The following MN1 variants were observed in gnomAD, a reference collection of about 807,000 sequenced individuals.
MN1 encodes MN1 proto-oncogene, transcriptional regulator.
A neutral mutation model predicts 86.9 loss-of-function variants in MN1; 19 were observed. The observed-to-expected ratio is 0.22, with a 90% CI of 0.15 to 0.32. The LOEUF (loss-of-function observed/expected upper bound fraction) is 0.32. MN1 is among the 10% of genes least tolerant of loss of function. The pLI is 1.00. For missense variants in MN1, 1,841 were observed against 1,862.0 expected (o/e 0.99, Z 0.21); for synonymous variants, 928 against 849.6 (o/e 1.09, Z -1.60).
chr22:27,798,523 AC>A lies in MN1; in HGVS notation c.2020del (p.Val674CysfsTer11), dbSNP rs1231373400. ...APPPPPGGSG[V>X]LFRGPLQEPM... ...CTCCTGCAGAGGGCCCCGGAACAGC[AC>A]CCCCGAGCCACCAGGCGGAGGAGGG... On this transcript the variant is annotated frameshift_variant, in exon 1 of 2. Coordinates refer to ENST00000302326, the MANE Select transcript of MN1 (RefSeq NM_002430.3). LOFTEE classifies it high-confidence loss of function. The A allele has an allele frequency of 1.3e-6, 2 of 1,522,854 alleles. No homozygotes were observed. Among genetic ancestry groups the A allele is most frequent in the Admixed American group, 2.1e-5 (1 of 48,410 alleles). 94.3% of individuals were successfully genotyped at this position (1,522,854 alleles called of 1,614,324 possible).
intron 1 of MN1, among the ~76,000 whole-genome samples, chr22:27,780,178 C>T (rs1336620929): frequency 6.6e-6 from 1 of 152,166 alleles, no homozygotes; most frequent in Non-Finnish European, 1.5e-5. Flanking sequence ...CCGTCAGATC[C>T]CAGCCTGTCT....
At position 27,800,910 on chromosome 22, in the gene MN1, A is replaced by C. The variant is rs1419561317; in HGVS notation, c.-367T>G. On this transcript the variant is annotated 5_prime_UTR_variant, in exon 1 of 2. Coordinates refer to ENST00000302326, the MANE Select transcript of MN1 (RefSeq NM_002430.3). ...GTTAAGTGGGGGGAATGGGGAGGGAAGGGGGTTGGGAGAGCAGAGCGATCA... is the reference window on the plus strand; with the variant it reads ...GTTAAGTGGGGGGAATGGGGAGGGACGGGGGTTGGGAGAGCAGAGCGATCA... The C allele has an allele frequency of 2.2e-4, 72 of 321,232 alleles. No homozygotes were observed. The highest frequency in any genetic ancestry group is 4.5e-4 in the East Asian group (8 of 17,728). The allele number at this position is 321,232 out of a possible 1,614,324, so 19.9% of individuals were successfully genotyped here.
At chr22:27,790,563 CA>C (rs986648610) in intron 1 of MN1, among the ~76,000 whole-genome samples, 1 of 152,112 alleles carries the variant, frequency 6.6e-6, no homozygotes, top group Non-Finnish European at 1.5e-5. Flanking sequence ...CAGGCAGGAC[CA>C]TGACTAATTT....
At chr22:27,784,311 CG>C (rs1475851842) in intron 1 of MN1, among the ~76,000 whole-genome samples, 2 of 152,176 alleles carry the variant, frequency 1.3e-5, no homozygotes, top group South Asian at 2.1e-4. Context: ...TTGTTGAAAC[CG>C]CCAAACACCC....
chr22:27,760,440 T>C (rs902055567), intron 1 of MN1, among the ~76,000 whole-genome samples: 26 of 151,752 alleles, frequency 1.7e-4, no homozygotes, highest in Non-Finnish European at 3.7e-4. Flanking sequence ...GCCCAGGAGA[T>C]TGAGGCTGCA....
chr22:27,785,297 T>G (rs1601336820), intron 1 of MN1, among the ~76,000 whole-genome samples: 2 of 152,168 alleles, frequency 1.3e-5, no homozygotes, highest in South Asian at 4.1e-4. Context: ...TGTTGTGGCC[T>G]CCGCCGTTCC....
chr22:27,778,772 G>C (rs534363710), intron 1 of MN1, among the ~76,000 whole-genome samples: 2 of 152,222 alleles, frequency 1.3e-5, no homozygotes, highest in Non-Finnish European at 2.9e-5. Context: ...TGGAGGAAAT[G>C]TGAGCATCCT....
At position 27,797,580 on chromosome 22, in the gene MN1, T is replaced by C; in HGVS notation, c.2964A>G (p.Gly988=). 6.2e-7 allele frequency: 1 copy of C among 1,601,168 alleles called. No individual in the cohort carries two copies. Among genetic ancestry groups the C allele is most frequent in the Admixed American group, 1.7e-5 (1 of 58,864 alleles). The change falls in exon 1 of 2, where the codon GGA becomes GGG. Residue 988 remains glycine, a synonymous_variant. Coordinates refer to ENST00000302326, the MANE Select transcript of MN1 (RefSeq NM_002430.3). ...CCCCGCGCGTCTCGCCTGCGGAGCT[T>C]CCCCCGACGGCTGCGCCTGACGCTT... is the stretch of plus-strand genomic sequence containing the variant. ...QQQASGAAVG[G]SSAGETRGAP... is the part of the protein sequence containing the mutation.
intron 1 of MN1, among the ~76,000 whole-genome samples, chr22:27,767,946 T>C (rs1932882759): frequency 6.6e-6 from 1 of 152,100 alleles, no homozygotes. Flanking sequence ...TGTTATTCCT[T>C]TTTAAAGGAT....
chr22:27,796,844 C>T lies in MN1; in HGVS notation c.3700G>A (p.Ala1234Thr). ...SAAWYMPADK[A>T]LVDSADDDKT... ...TCGTCGTCCGCGCTGTCCACCAGGG[C>T]CTTGTCAGCGGGCATGTACCAGGCA... is the stretch of plus-strand genomic sequence containing the variant. Residue 1234 changes from alanine to threonine, a missense_variant, in exon 1 of 2, where the codon GCC becomes ACC. Coordinates refer to ENST00000302326, the MANE Select transcript of MN1 (RefSeq NM_002430.3). The T allele has an allele frequency of 3.1e-6, 5 of 1,612,866 alleles. No individual in the cohort carries two copies. The highest frequency in any genetic ancestry group is 2.7e-5 in the African/African-American group (2 of 75,040).
rs563856290 is a variant in MN1, at chr22:27,795,517, G to A, written c.3781+1246C>T. On this transcript the variant is annotated intron_variant, in intron 1 of 1. Coordinates refer to ENST00000302326, the MANE Select transcript of MN1 (RefSeq NM_002430.3). ...TAAAAGAGGGCAAGAATTGCACTGG[G>A]GGGGGACACATTTTCAAAAACAAGG... 4.3e-4 allele frequency among the ~76,000 whole-genome samples: 65 copies of A among 152,166 alleles called. 2 individuals are homozygous for A. The South Asian group carries it at 0.013, about 30-fold the overall frequency.
chr22:27,793,475 A>G (rs1346465501), intron 1 of MN1, among the ~76,000 whole-genome samples: 1 of 152,230 alleles, frequency 6.6e-6, no homozygotes, highest in Non-Finnish European at 1.5e-5. Context: ...GCCCAAACTC[A>G]GGCTGGGTTT....
intron 1 of MN1, among the ~76,000 whole-genome samples, chr22:27,754,326 C>A (rs1415566351): frequency 2.6e-5 from 4 of 152,194 alleles, no homozygotes; most frequent in African/African-American, 7.2e-5. Flanking sequence ...GCATCCCAGG[C>A]ACACAACTGA....
rs752248827 is a variant in MN1, at chr22:27,800,552, G to C, written c.-9C>G. 2 of 1,613,856 alleles carry C rather than the reference G, an allele frequency of 1.2e-6. No homozygotes were observed. The highest frequency in any genetic ancestry group is 2.2e-5 in the South Asian group (2 of 91,090). ...TGGTCCAGCCCAAACATACTTGGCG[G>C]GGGGCAGAGGGGGATCAATAGGGCA... On this transcript the variant is annotated 5_prime_UTR_variant, in exon 1 of 2. Coordinates refer to ENST00000302326, the MANE Select transcript of MN1 (RefSeq NM_002430.3).
At chr22:27,769,082 G>A (rs1457452337) in intron 1 of MN1, among the ~76,000 whole-genome samples, 2 of 152,178 alleles carry the variant, frequency 1.3e-5, no homozygotes, top group Non-Finnish European at 2.9e-5. Flanking sequence ...ATAGACTGAT[G>A]TAAATTTGGG....
chr22:27,789,415 G>A (rs1470431090), intron 1 of MN1, among the ~76,000 whole-genome samples: 5 of 152,144 alleles, frequency 3.3e-5, no homozygotes, highest in Admixed American at 2.0e-4. Flanking sequence ...AAAATCCTAG[G>A]AGCAAACATT....
intron 1 of MN1, among the ~76,000 whole-genome samples, chr22:27,775,436 C>T (rs1391360111): frequency 6.6e-6 from 1 of 152,196 alleles, no homozygotes; most frequent in Non-Finnish European, 1.5e-5. Flanking sequence ...GAACTCAGCA[C>T]ATCACCACCC....
In MN1 at chr22:27,797,414, A is replaced by G; in HGVS notation, c.3130T>C (p.Phe1044Leu). The G allele has an allele frequency of 1.9e-6, 3 of 1,611,576 alleles. No individual in the cohort carries two copies. The highest frequency in any genetic ancestry group is 2.5e-6 in the Non-Finnish European group (3 of 1,179,516). The change falls in exon 1 of 2, where the codon TTC (phenylalanine) becomes CTC (leucine). Residue 1044 changes from phenylalanine to leucine, a missense_variant. Phe to Leu is a conservative substitution (Grantham distance 22). Transcript: ENST00000302326. The stretch of plus-strand genomic sequence containing the variant: ...CTCGTGCTCACCTCGTCCGAGGCGA[A>G]CTCACCCACGTTTGGCGAACTACTG... ...SDSSSPNVGE[F>L]ASDEVSTSYA...
chr22:27,760,586 G>T (rs1261995445), intron 1 of MN1, among the ~76,000 whole-genome samples: 1 of 152,158 alleles, frequency 6.6e-6, no homozygotes, highest in African/African-American at 2.4e-5. Context: ...AAAGGCCACT[G>T]AGACATCTTG....
Sources: gnomAD v4.1 joint callset for allele counts (sites outside exome capture counted in the v4.1 genomes callset) on GRCh38, gnomAD v4.1.1 for gene constraint, MANE v1.5 for transcripts, NCBI Gene and HGNC (gene_info 2026-07-23, HGNC 2026-07-21) for gene names.